Variants in ERP44 observed in about 807,000 individuals in gnomAD.
ERP44 encodes the protein endoplasmic reticulum protein 44.
In ERP44, 25 loss-of-function variants were observed where a neutral mutation model predicts 53.4. That is an observed-to-expected ratio of 0.47 (90% CI 0.34 to 0.65). The LOEUF (loss-of-function observed/expected upper bound fraction) is 0.65. Among genes scored for constraint, ERP44 ranks in the 30% least tolerant of loss-of-function variants. The pLI, the probability that ERP44 is intolerant of heterozygous loss-of-function variation, is 0.01. For missense variants in ERP44, 338 were observed against 493.2 expected, an observed-to-expected ratio of 0.69 and a Z score of 2.98; for synonymous variants, 145 against 161.2, an observed-to-expected ratio of 0.90 and a Z score of 0.76.
At chr9:100,023,587 C>A (rs937492603) in intron 4 of ERP44, among the ~76,000 whole-genome samples, 4 of 151,620 alleles carry the variant, frequency 2.6e-5, no homozygotes, top group African/African-American at 9.7e-5. Context: ...TGCCACCATG[C>A]CTGGCTAATC....
Position 100,049,210 on chromosome 9 carries a change from G to A in ERP44, c.286+3207C>T, listed in dbSNP as rs1001648685. ...CAATCACTTTAGCCCAGGAGTTTGA[G>A]ACCAGCCTGGGCAACATAAGGAGAC... On this transcript the variant is annotated intron_variant, in intron 4 of 11. Coordinates refer to ENST00000262455, the MANE Select transcript of ERP44 (RefSeq NM_015051.3). Among the ~76,000 whole-genome samples, 20 of 152,088 alleles carry A rather than the reference G, an allele frequency of 1.3e-4. 1 individual carries two copies. The highest frequency in any genetic ancestry group is 2.4e-5 in the African/African-American group (1 of 41,420).
At chr9:100,043,293 A>G (rs1451979869) in intron 4 of ERP44, among the ~76,000 whole-genome samples, 4 of 130,278 alleles carry the variant, frequency 3.1e-5, no homozygotes, top group Non-Finnish European at 6.7e-5. Context: ...AAAAAAAAAG[A>G]TAAATAAGAC....
intron 1 of ERP44, among the ~76,000 whole-genome samples, chr9:100,073,623 T>C (rs761347702): frequency 1.9e-4 from 29 of 152,220 alleles, no homozygotes; most frequent in South Asian, 2.1e-4. Context: ...AGATAAACAT[T>C]AAAATCATTA....
chr9:99,995,823 G>A (rs1278280684), intron 10 of ERP44, among the ~76,000 whole-genome samples: 2 of 151,806 alleles, frequency 1.3e-5, no homozygotes, highest in Non-Finnish European at 2.9e-5. Flanking sequence ...GAATAATGCT[G>A]CAATGAACAT....
intron 4 of ERP44, among the ~76,000 whole-genome samples, chr9:100,031,190 GA>G (rs34860838): frequency 0.68 from 101,907 of 150,562 alleles, 35,478 homozygotes; most frequent in East Asian, 0.91. Flanking sequence ...GCAAGTACCT[GA>G]AAAAAAAAAA....
intron 4 of ERP44, among the ~76,000 whole-genome samples, chr9:100,036,891 A>C (rs904395276): frequency 1.3e-5 from 2 of 152,066 alleles, no homozygotes; most frequent in Non-Finnish European, 2.9e-5. Context: ...AGATTGCTTA[A>C]CAGATTAAAA....
At chr9:100,047,150 G>C (rs1825980480) in intron 4 of ERP44, among the ~76,000 whole-genome samples, 1 of 152,072 alleles carries the variant, frequency 6.6e-6, no homozygotes, top group African/African-American at 2.4e-5. Context: ...ATTTATAAAA[G>C]AAAACATAGC....
At chr9:100,050,671 T>C (rs763221569) in intron 4 of ERP44, among the ~76,000 whole-genome samples, 7 of 152,188 alleles carry the variant, frequency 4.6e-5, no homozygotes, top group African/African-American at 7.2e-5. Context: ...AGAAAAAATA[T>C]TCAGAGAGAT....
rs374322405 is a variant in ERP44 at position 100,098,751 on chromosome 9, G to A, written c.57+33C>T. ...GGCGAGGGCCGGAGGCCGTTCGTGC[G>A]TTTGTCGATGGGTCTGTCATTCCCT... On this transcript the variant is annotated intron_variant, in intron 1 of 11. Transcript: ENST00000262455. The A allele has an allele frequency of 4.4e-6, 7 of 1,596,778 alleles. No individual in the cohort carries two copies. The East Asian group carries it at 6.7e-5, about 15-fold the overall frequency.
intron 4 of ERP44, among the ~76,000 whole-genome samples, chr9:100,026,253 T>C (rs1439057798): frequency 6.6e-6 from 1 of 152,166 alleles, no homozygotes; most frequent in Non-Finnish European, 1.5e-5. Flanking sequence ...GGCCTCCTGG[T>C]ACTTAGGAGA....
intron 4 of ERP44, 101 bp downstream of exon 4, chr9:100,052,316 A>G (rs1218542125): frequency 1.3e-5 from 7 of 537,570 alleles, no homozygotes; most frequent in Non-Finnish European, 1.9e-5. Flanking sequence ...AAAAAAAAAG[A>G]AAAGGAAAAA....
At chr9:100,044,209 A>G (rs1233948106) in intron 4 of ERP44, among the ~76,000 whole-genome samples, 7 of 152,198 alleles carry the variant, frequency 4.6e-5, no homozygotes, top group African/African-American at 1.7e-4. Context: ...ACTGTTTACT[A>G]TTCATTTATC....
chr9:100,016,653 C>T (rs1830528715), intron 7 of ERP44, among the ~76,000 whole-genome samples: 1 of 152,120 alleles, frequency 6.6e-6, no homozygotes, highest in African/African-American at 2.4e-5. Flanking sequence ...AGGTACATGC[C>T]ACCACGCCAA....
chr9:100,065,602 TG>T (rs1826202831), intron 1 of ERP44, among the ~76,000 whole-genome samples: 1 of 152,186 alleles, frequency 6.6e-6, no homozygotes, highest in Non-Finnish European at 1.5e-5. Flanking sequence ...ACACAATTTT[TG>T]TCAATTATAC....
At chr9:99,983,996 T>G (rs891793114) in intron 11 of ERP44, among the ~76,000 whole-genome samples, 5 of 152,198 alleles carry the variant, frequency 3.3e-5, no homozygotes, top group African/African-American at 1.2e-4. Flanking sequence ...TAAAATACTA[T>G]GCAGGCCTTC....
chr9:100,057,632 C>G (rs758515594), intron 3 of ERP44, among the ~76,000 whole-genome samples, 188 bp downstream of exon 3: 14 of 152,172 alleles, frequency 9.2e-5, no homozygotes, highest in Admixed American at 2.6e-4. Flanking sequence ...AGAATCAGCT[C>G]TATTTCTTTC....
chr9:100,003,445 T>A (rs1000151516), intron 10 of ERP44, among the ~76,000 whole-genome samples: 1 of 152,234 alleles, frequency 6.6e-6, no homozygotes, highest in African/African-American at 2.4e-5. Context: ...ACTGGCTTTG[T>A]CTGGGAAAGC....
Position 100,006,736 on chromosome 9 carries a change from A to T in ERP44, c.875-89T>A, listed in dbSNP as rs1300710334. On this transcript the variant is annotated intron_variant, in intron 9 of 11. Coordinates refer to ENST00000262455, the MANE Select transcript of ERP44 (RefSeq NM_015051.3). ...GCAAGCTCACAAAAAGTGACATACT[A>T]AAAAAAAAGCACCCAACATTCTTAA... The T allele has an allele frequency of 3.7e-5, 28 of 756,246 alleles. No homozygotes were observed. The Admixed American group carries it at 8.6e-4, about 23-fold the overall frequency. 46.8% of individuals were successfully genotyped at this position (756,246 alleles called of 1,614,324 possible).
rs751911960 is a variant in ERP44, at chr9:100,054,302, C to T, written c.171-1770G>A. Among the ~76,000 whole-genome samples the T allele has an allele frequency of 4.6e-5, 7 of 152,160 alleles. No individual in the cohort carries two copies. In the East Asian group the frequency reaches 5.8e-4, roughly 13 times the overall value. ...CGCAGGTTTGTGGGTTCTTACAGTT[C>T]GCTGAAAATAAGGTAGCTGGAGGGC... On this transcript the variant is annotated intron_variant, in intron 3 of 11. Transcript: ENST00000262455.
Sources: allele counts gnomAD v4.1 joint callset (sites outside exome capture counted in the v4.1 genomes callset), GRCh38; gene constraint gnomAD v4.1.1; transcripts MANE v1.5; gene names NCBI Gene and HGNC (gene_info 2026-07-23, HGNC 2026-07-21).